The following RBFOX1 variants were observed in gnomAD, a reference collection of about 807,000 sequenced individuals.
RBFOX1 encodes RNA binding fox-1 homolog 1.
RBFOX1 carries 8 observed loss-of-function variants against 57.7 expected under a neutral mutation model. That is an observed-to-expected ratio of 0.14 (90% CI 0.08 to 0.25). The LOEUF is 0.25. Ranked by LOEUF, RBFOX1 falls within the 10% of genes least tolerant of loss-of-function variation. RBFOX1 has a pLI of 1.00. For synonymous variants in RBFOX1, 326 were observed against 222.4 expected (o/e 1.47, Z -4.15); for missense variants, 611 against 548.5 (o/e 1.11, Z -1.14).
At chr16:6,349,842 C>G (rs541604837) in intron 2 of RBFOX1, among the ~76,000 whole-genome samples, 2 of 152,058 alleles carry the variant, frequency 1.3e-5, no homozygotes, top group South Asian at 2.1e-4. Context: ...ATATCCAACT[C>G]CAAGAATTCA....
At chr16:5,623,606 C>T (rs1034830334) in intron 3 of RBFOX1, among the ~76,000 whole-genome samples, 4 of 150,386 alleles carry the variant, frequency 2.7e-5, no homozygotes, top group African/African-American at 7.3e-5. Flanking sequence ...AAATTCTCAC[C>T]GGTGCCTTCT....
intron 14 of RBFOX1, among the ~76,000 whole-genome samples, chr16:7,692,298 T>A (rs2077519110): frequency 1.3e-5 from 2 of 152,172 alleles, no homozygotes; most frequent in Non-Finnish European, 2.9e-5. Flanking sequence ...GAATGTGAAA[T>A]TCTAGGGAAT....
intron 1 of RBFOX1, among the ~76,000 whole-genome samples, chr16:6,173,050 G>T (rs1251277648): frequency 6.6e-6 from 1 of 152,144 alleles, no homozygotes; most frequent in Admixed American, 6.6e-5. Flanking sequence ...AGCAAGAAAA[G>T]GTTCTCAGAT....
At chr16:5,669,198 G>C (rs1296162191) in intron 3 of RBFOX1, among the ~76,000 whole-genome samples, 1 of 152,118 alleles carries the variant, frequency 6.6e-6, no homozygotes, top group East Asian at 1.9e-4. Context: ...ATGATGCCTC[G>C]AGGCATCTGT....
intron 3 of RBFOX1, among the ~76,000 whole-genome samples, chr16:6,851,337 T>C (rs544862437): frequency 2.6e-4 from 39 of 152,246 alleles, no homozygotes; most frequent in African/African-American, 8.7e-4. Context: ...TGTGGACTAT[T>C]TTTTGTCCTG....
At chr16:6,401,463 A>G (rs748576956) in intron 2 of RBFOX1, among the ~76,000 whole-genome samples, 5 of 152,224 alleles carry the variant, frequency 3.3e-5, no homozygotes, top group African/African-American at 4.8e-5. Context: ...CCAACATTGG[A>G]CTGTGATCAT....
At chr16:6,110,291 A>T (rs891298069) in intron 1 of RBFOX1, among the ~76,000 whole-genome samples, 1 of 150,700 alleles carries the variant, frequency 6.6e-6, no homozygotes, top group Admixed American at 6.6e-5. Flanking sequence ...CATCATCACA[A>T]TTCTCTATAG....
At chr16:7,334,380 G>C (rs1278262566) in intron 4 of RBFOX1, among the ~76,000 whole-genome samples, 1 of 152,250 alleles carries the variant, frequency 6.6e-6, no homozygotes, top group Admixed American at 6.5e-5. Flanking sequence ...CATTTCTGAA[G>C]TAGGGCTCAG....
intron 1 of RBFOX1, among the ~76,000 whole-genome samples, chr16:6,307,815 A>T (rs2079714808): frequency 6.8e-6 from 1 of 146,820 alleles, no homozygotes; most frequent in African/African-American, 2.5e-5. Context: ...TGTATCAGTG[A>T]TAATTATGTT....
At chr16:6,382,249 G>A (rs2091885369) in intron 2 of RBFOX1, among the ~76,000 whole-genome samples, 1 of 152,212 alleles carries the variant, frequency 6.6e-6, no homozygotes, top group Non-Finnish European at 1.5e-5. Flanking sequence ...CAGGCAGTGG[G>A]CCTGCGGTCT....
intron 4 of RBFOX1, among the ~76,000 whole-genome samples, chr16:7,283,014 G>C (rs191841114): frequency 1.1e-4 from 16 of 152,238 alleles, no homozygotes; most frequent in African/African-American, 3.4e-4. Flanking sequence ...TTTATGGATG[G>C]GTTGGTTCCA....
At chr16:5,647,281 G>A (rs1021321610) in intron 3 of RBFOX1, among the ~76,000 whole-genome samples, 2 of 152,198 alleles carry the variant, frequency 1.3e-5, no homozygotes, top group Non-Finnish European at 2.9e-5. Context: ...CTTGGAAGGG[G>A]CACAGCTGGG....
intron 2 of RBFOX1, among the ~76,000 whole-genome samples, chr16:5,527,091 C>G (rs891506777): frequency 1.3e-5 from 2 of 152,148 alleles, no homozygotes; most frequent in African/African-American, 4.8e-5. Flanking sequence ...CCAACTCTCA[C>G]CAGTCTGGAA....
intron 4 of RBFOX1, among the ~76,000 whole-genome samples, chr16:7,064,753 A>C (rs2055522263): frequency 6.6e-6 from 1 of 152,202 alleles, no homozygotes; most frequent in South Asian, 2.1e-4. Context: ...ATCAAAAGCA[A>C]ATGAACAACC....
At chr16:6,882,319 T>C (rs1468607100) in intron 3 of RBFOX1, among the ~76,000 whole-genome samples, 1 of 152,174 alleles carries the variant, frequency 6.6e-6, no homozygotes, top group East Asian at 1.9e-4. Context: ...ATCCTTGTTG[T>C]TTGCAATTCT....
intron 2 of RBFOX1, among the ~76,000 whole-genome samples, chr16:6,504,919 A>T (rs577831807): frequency 6.6e-6 from 1 of 151,796 alleles, no homozygotes; most frequent in South Asian, 2.1e-4. Context: ...AAAATTTTGT[A>T]ATTTTTTAAC....
intron 4 of RBFOX1, among the ~76,000 whole-genome samples, chr16:5,936,518 A>C (rs1027266876): frequency 2.6e-5 from 4 of 152,198 alleles, no homozygotes; most frequent in South Asian, 2.1e-4. Flanking sequence ...AGAATGACCA[A>C]GTTCCTCTGC....
At chr16:7,124,429 G>A (rs1242935497) in intron 4 of RBFOX1, among the ~76,000 whole-genome samples, 3 of 151,940 alleles carry the variant, frequency 2.0e-5, no homozygotes, top group African/African-American at 7.3e-5. Context: ...AATAGATAAA[G>A]CTGATACAGT....
At chr16:5,272,706 G>C (rs1355363439) in intron 1 of RBFOX1, among the ~76,000 whole-genome samples, 1 of 152,144 alleles carries the variant, frequency 6.6e-6, no homozygotes, top group African/African-American at 2.4e-5. Context: ...TCCTTGCTTG[G>C]TGTTGGCCAA....
Sources: allele counts gnomAD v4.1 joint callset (sites outside exome capture counted in the v4.1 genomes callset), GRCh38; gene constraint gnomAD v4.1.1; transcripts MANE v1.5; gene names NCBI Gene and HGNC (gene_info 2026-07-23, HGNC 2026-07-21).